The following ENOX1 variants were observed in gnomAD, a reference collection of about 807,000 sequenced individuals.
ENOX1 encodes the protein candidate growth-related and time keeping constitutive hydroquinone (NADH) oxidase.
A neutral mutation model predicts 82.5 loss-of-function variants in ENOX1; 42 were observed. The ratio of observed to expected loss-of-function variants is 0.51; its 90% confidence interval spans 0.40 to 0.66. The LOEUF is 0.66. Ranked by LOEUF, ENOX1 falls within the 30% of genes least tolerant of loss-of-function variation. The probability of loss-of-function intolerance (pLI) is 0.00; values close to 1 mark genes in which losing one functional copy is unlikely to be tolerated. For synonymous variants in ENOX1, 271 were observed against 282.2 expected (o/e 0.96, Z 0.40); for missense variants, 608 against 811.6 (o/e 0.75, Z 3.05).
intron 2 of ENOX1, among the ~76,000 whole-genome samples, chr13:43,658,183 A>G (rs1275188381): frequency 1.3e-5 from 2 of 152,364 alleles, no homozygotes; most frequent in East Asian, 3.9e-4. Context: ...AAAAATCTGA[A>G]AATATGTTAT....
At chr13:43,616,204 A>ATATATTTTTT (rs1457149422) in intron 2 of ENOX1, among the ~76,000 whole-genome samples, 17 of 15,296 alleles carry the variant, frequency 1.1e-3, no homozygotes, top group Non-Finnish European at 2.9e-3. Flanking sequence ...ATATATATAT[A>ATATATTTTTT]TTTTTTTTTT....
At chr13:43,249,228 A>G (rs2043311101) in intron 14 of ENOX1, among the ~76,000 whole-genome samples, 1 of 152,174 alleles carries the variant, frequency 6.6e-6, no homozygotes, top group Non-Finnish European at 1.5e-5. Flanking sequence ...GTAGTATTTT[A>G]TTTTTAGTTT....
At position 43,357,833 on chromosome 13, in the gene ENOX1, CTGGGCT is replaced by C. The variant is rs939155811; in HGVS notation, c.590-1687_590-1682del. On this transcript the variant is annotated intron_variant, in intron 7 of 16. Coordinates refer to ENST00000690772, the MANE Select transcript of ENOX1 (RefSeq NM_001347969.2). ...TCCTAAAATTAGACAGGCCTTCCAG[CTGGGCT>C]TGGGCTTGGGCTTGCTGGAGCCCAC... 4.6e-5 allele frequency among the ~76,000 whole-genome samples: 7 copies of C among 152,302 alleles called. No individual in the cohort carries two copies. The South Asian group carries it at 8.3e-4, about 18-fold the overall frequency.
At chr13:43,228,758 A>G (rs1477815108) in intron 15 of ENOX1, among the ~76,000 whole-genome samples, 1 of 152,254 alleles carries the variant, frequency 6.6e-6, no homozygotes, top group African/African-American at 2.4e-5. Flanking sequence ...ATTGTATAAG[A>G]TAGGCAAGGG....
intron 1 of ENOX1, among the ~76,000 whole-genome samples, chr13:43,716,893 A>G (rs1456655523): frequency 6.6e-6 from 1 of 152,218 alleles, no homozygotes; most frequent in African/African-American, 2.4e-5. Flanking sequence ...AGATGAAACA[A>G]ATAAATGGAA....
chr13:43,425,144 G>A (rs2055216438), intron 3 of ENOX1, among the ~76,000 whole-genome samples: 1 of 152,070 alleles, frequency 6.6e-6, no homozygotes, highest in Admixed American at 6.6e-5. Context: ...GCTGAATCCT[G>A]GTTATTTCTT....
intron 6 of ENOX1, 41 bp from the exon 7 acceptor site, chr13:43,360,098 AT>A (rs1279628888): frequency 1.3e-6 from 2 of 1,585,260 alleles, no homozygotes; most frequent in African/African-American, 1.3e-5. Flanking sequence ...TCTTTCATTT[AT>A]TTGCTTTCTC....
chr13:43,421,402 T>C (rs2054966926), intron 3 of ENOX1, among the ~76,000 whole-genome samples: 1 of 152,206 alleles, frequency 6.6e-6, no homozygotes, highest in Non-Finnish European at 1.5e-5. Flanking sequence ...GTGCATTCAG[T>C]AGAAACCATA....
At chr13:43,768,172 TTCC>T (rs1204462328) in intron 1 of ENOX1, among the ~76,000 whole-genome samples, 4 of 152,250 alleles carry the variant, frequency 2.6e-5, no homozygotes, top group Non-Finnish European at 5.9e-5. Context: ...TGTTGTGCTT[TTCC>T]TCCTTTTTGA....
chr13:43,762,899 A>T (rs1951065353), intron 1 of ENOX1, among the ~76,000 whole-genome samples: 1 of 152,216 alleles, frequency 6.6e-6, no homozygotes, highest in Non-Finnish European at 1.5e-5. Flanking sequence ...ATCCGTTCTC[A>T]ATTAGCCCTA....
chr13:43,608,385 C>A (rs1032429175), intron 2 of ENOX1, among the ~76,000 whole-genome samples: 15 of 152,140 alleles, frequency 9.9e-5, no homozygotes, highest in African/African-American at 3.6e-4. Flanking sequence ...TGACTGAGAT[C>A]ATTTCTTCCC....
At chr13:43,590,296 T>C (rs1399150986) in intron 2 of ENOX1, among the ~76,000 whole-genome samples, 4 of 148,646 alleles carry the variant, frequency 2.7e-5, no homozygotes, top group Admixed American at 6.6e-5. Flanking sequence ...CAACCCCAGA[T>C]TGCAGCATAG....
At chr13:43,600,609 A>G (rs2081665015) in intron 2 of ENOX1, among the ~76,000 whole-genome samples, 1 of 152,134 alleles carries the variant, frequency 6.6e-6, no homozygotes, top group Non-Finnish European at 1.5e-5. Flanking sequence ...TTCTGCCCTA[A>G]CAGGAAGAAC....
At chr13:43,330,137 C>G (rs2048337124) in intron 9 of ENOX1, among the ~76,000 whole-genome samples, 1 of 152,238 alleles carries the variant, frequency 6.6e-6, no homozygotes, top group Non-Finnish European at 1.5e-5. Context: ...ATAATTCATA[C>G]TACTTACTCT....
intron 2 of ENOX1, among the ~76,000 whole-genome samples, chr13:43,599,594 A>C (rs1393582497): frequency 6.6e-6 from 1 of 151,996 alleles, no homozygotes; most frequent in Non-Finnish European, 1.5e-5. Context: ...AAGGCAGTCT[A>C]GGCTAAAAGG....
At chr13:43,420,462 T>C (rs560691228) in intron 3 of ENOX1, among the ~76,000 whole-genome samples, 1 of 152,330 alleles carries the variant, frequency 6.6e-6, no homozygotes, top group Admixed American at 6.5e-5. Flanking sequence ...TAATCTGGCT[T>C]CTAAGGAGAA....
chr13:43,742,892 G>A (rs1011348272), intron 1 of ENOX1, among the ~76,000 whole-genome samples: 24 of 90,528 alleles, frequency 2.7e-4, no homozygotes, highest in Non-Finnish European at 5.5e-4. Context: ...GGACATGATC[G>A]CTCAAACTAC....
At chr13:43,418,559 G>T (rs1481932086) in intron 3 of ENOX1, among the ~76,000 whole-genome samples, 1 of 152,032 alleles carries the variant, frequency 6.6e-6, no homozygotes, top group East Asian at 1.9e-4. Context: ...TAAATAATAC[G>T]ATGTAACTTA....
At chr13:43,507,646 T>C (rs2077221120) in intron 2 of ENOX1, among the ~76,000 whole-genome samples, 1 of 152,000 alleles carries the variant, frequency 6.6e-6, no homozygotes, top group South Asian at 2.1e-4. Flanking sequence ...GAGGATGTGC[T>C]TCAGCAGTAA....
Sources: gnomAD v4.1 joint callset for allele counts (sites outside exome capture counted in the v4.1 genomes callset) on GRCh38, gnomAD v4.1.1 for gene constraint, MANE v1.5 for transcripts, NCBI Gene and HGNC (gene_info 2026-07-23, HGNC 2026-07-21) for gene names.